NTPCR: variants seen among roughly 807,000 people sequenced by gnomAD.
NTPCR encodes the protein nucleoside-triphosphatase, cancer-related.
Under a neutral mutation model 19.5 loss-of-function variants are expected in NTPCR, and 15 were observed. The observed-to-expected ratio is 0.77, with a 90% CI of 0.51 to 1.18. NTPCR has a LOEUF of 1.18. NTPCR is among the 50% of genes most tolerant of loss of function. The pLI is 0.00. For synonymous variants in NTPCR, 90 were observed against 95.8 expected (o/e 0.94, Z 0.36); for missense variants, 206 against 240.4 (o/e 0.86, Z 0.95).
intron 3 of NTPCR, 36 bp downstream of exon 3, chr1:232,956,479 C>T: frequency 7.2e-7 from 1 of 1,391,820 alleles, no homozygotes; most frequent in Non-Finnish European, 1.0e-6. Context: ...AACCCATCTG[C>T]TCTTAGTGTA....
In NTPCR at chr1:232,979,676, G is replaced by A. The variant is rs1339667487; in HGVS notation, c.*1445G>A. The A allele has an allele frequency of 6.6e-6, 1 of 152,214 alleles. No homozygotes were observed. Among genetic ancestry groups the A allele is most frequent in the Non-Finnish European group, 1.5e-5 (1 of 68,062 alleles). The allele number at this position is 152,214 out of a possible 1,614,324, so 9.4% of individuals were successfully genotyped here. A position where few individuals can be genotyped will look rare whatever the true frequency, so the allele number is the denominator to read the frequency against. On this transcript the variant is annotated 3_prime_UTR_variant, in exon 5 of 5. Coordinates refer to ENST00000366628, the MANE Select transcript of NTPCR (RefSeq NM_032324.3). This position sits in a 1 kb window ranked among gnomAD's most constrained non-coding sequence, Gnocchi z 5.3. The stretch of plus-strand genomic sequence containing the variant: ...GGGCTGTTCAGGGAGACTGAGTTCC[G>A]AGCTCAGGATGTCTGGCAGGCTGGC...
At chr1:232,953,045 A>G (rs1393557348) in intron 1 of NTPCR, among the ~76,000 whole-genome samples, 1 of 152,182 alleles carries the variant, frequency 6.6e-6, no homozygotes. Flanking sequence ...CTCAGACAGG[A>G]TAACTGAGCC....
intron 3 of NTPCR, among the ~76,000 whole-genome samples, chr1:232,958,878 G>A: frequency 6.6e-6 from 1 of 152,240 alleles, no homozygotes; most frequent in East Asian, 1.9e-4. Flanking sequence ...CTCAGACAGA[G>A]TAGACCAAAT....
chr1:232,978,298 C>G lies in NTPCR; in HGVS notation c.*67C>G. The G allele has an allele frequency of 1.5e-6, 2 of 1,342,102 alleles. No individual in the cohort carries two copies. Among genetic ancestry groups the G allele is most frequent in the Non-Finnish European group, 2.1e-6 (2 of 938,966 alleles). The allele number at this position is 1,342,102 out of a possible 1,614,324, so 83.1% of individuals were successfully genotyped here. ...CAAGAGGAGCCTGATGGAGCCCTGC[C>G]TGTCGAGGCTGTATGCCTATGGGGT... is the stretch of plus-strand genomic sequence containing the variant. On this transcript the variant is annotated 3_prime_UTR_variant, in exon 5 of 5. Transcript: ENST00000366628.
intron 4 of NTPCR, among the ~76,000 whole-genome samples, chr1:232,975,471 G>A (rs537615770): frequency 6.6e-6 from 1 of 152,210 alleles, no homozygotes; most frequent in African/African-American, 2.4e-5. Context: ...CATGGATGGA[G>A]CAGGCAGGGG....
intron 3 of NTPCR, 112 bp from the exon 4 acceptor site, chr1:232,969,796 TA>T: frequency 1.2e-6 from 1 of 857,732 alleles, no homozygotes; most frequent in South Asian, 1.5e-5. Flanking sequence ...TGAAATCCAG[TA>T]AAAAGGTTTC....
intron 3 of NTPCR, chr1:232,966,551 TCA>T: frequency 6.6e-6 from 1 of 152,350 alleles, no homozygotes; most frequent in East Asian, 1.9e-4. Context: ...CCCAAAAAAA[TCA>T]CACTATTTTC....
chr1:232,969,633 A>G (rs1255148719), intron 3 of NTPCR: 2 of 330,236 alleles, frequency 6.1e-6, no homozygotes, highest in Admixed American at 4.0e-5. Context: ...CTTTATTCCA[A>G]TTTATGTCCG....
chr1:232,975,864 A>C (rs1669109723), intron 4 of NTPCR, among the ~76,000 whole-genome samples: 2 of 152,172 alleles, frequency 1.3e-5, no homozygotes, highest in South Asian at 4.2e-4. Flanking sequence ...TTAGCTTCTC[A>C]GGAAAGGCTT....
At chr1:232,955,509 G>A in intron 1 of NTPCR, 48 bp from the exon 2 acceptor site, 1 of 1,457,790 alleles carries the variant, frequency 6.9e-7, no homozygotes, top group Non-Finnish European at 9.1e-7. Flanking sequence ...GTAAGGGAAT[G>A]TTTCCTAATG....
chr1:232,953,664 A>G (rs1233798928), intron 1 of NTPCR, among the ~76,000 whole-genome samples: 1 of 152,238 alleles, frequency 6.6e-6, no homozygotes, highest in African/African-American at 2.4e-5. Context: ...GAATTTGAAC[A>G]TCAGAAATCA....
chr1:232,977,290 C>T (rs1351173774), intron 4 of NTPCR: 1 of 152,768 alleles, frequency 6.5e-6, no homozygotes, highest in Non-Finnish European at 1.5e-5. Flanking sequence ...TCATGCCTGT[C>T]CTGTCCTGGT....
chr1:232,972,711 G>A (rs1351186113), intron 4 of NTPCR, among the ~76,000 whole-genome samples: 1 of 152,218 alleles, frequency 6.6e-6, no homozygotes, highest in African/African-American at 2.4e-5. Flanking sequence ...ATAGGCATGA[G>A]CCACTGTGCC....
At position 232,981,398 on chromosome 1, in the gene NTPCR, G is replaced by A. The variant is rs935658638; in HGVS notation, c.*3167G>A. On this transcript the variant is annotated 3_prime_UTR_variant, in exon 5 of 5. Coordinates refer to ENST00000366628, the MANE Select transcript of NTPCR (RefSeq NM_032324.3). The stretch of plus-strand genomic sequence containing the variant: ...CTGCCAATTACCGTATTCATAGAAG[G>A]TTGTGTCTGTGGATCACACCTGTGT... The A allele has an allele frequency of 1.3e-5, 2 of 152,226 alleles. No individual in the cohort carries two copies. The highest frequency in any genetic ancestry group is 2.1e-4 in the South Asian group (1 of 4,832). The allele number at this position is 152,226 out of a possible 1,614,324, so 9.4% of individuals were successfully genotyped here.
chr1:232,975,197 A>T (rs903134575), intron 4 of NTPCR, among the ~76,000 whole-genome samples: 7 of 152,276 alleles, frequency 4.6e-5, no homozygotes, highest in African/African-American at 1.4e-4. Context: ...ATATTATCTG[A>T]TCTTCCAGGC....
chr1:232,973,152 T>C (rs1380894080), intron 4 of NTPCR, among the ~76,000 whole-genome samples: 1 of 152,196 alleles, frequency 6.6e-6, no homozygotes, highest in Non-Finnish European at 1.5e-5. Flanking sequence ...GGGGGAAATG[T>C]ACCACACGAA....
At chr1:232,954,475 TTC>T (rs1404688660) in intron 1 of NTPCR, among the ~76,000 whole-genome samples, 1 of 152,214 alleles carries the variant, frequency 6.6e-6, no homozygotes, top group African/African-American at 2.4e-5. Context: ...TTCTCTCTCT[TTC>T]CATTGTTGGG....
At chr1:232,957,012 T>C (rs561550906) in intron 3 of NTPCR, among the ~76,000 whole-genome samples, 1 of 152,350 alleles carries the variant, frequency 6.6e-6, no homozygotes, top group African/African-American at 2.4e-5. Context: ...GACATCCTTA[T>C]CTTATTCCTA....
chr1:232,971,713 T>A (rs902270668), intron 4 of NTPCR, among the ~76,000 whole-genome samples: 9 of 152,154 alleles, frequency 5.9e-5, no homozygotes, highest in African/African-American at 2.2e-4. Flanking sequence ...CAATTTCAGA[T>A]ACTGATAAAG....
Sources: allele counts gnomAD v4.1 joint callset (sites outside exome capture counted in the v4.1 genomes callset), GRCh38; gene constraint gnomAD v4.1.1; non-coding constraint Gnocchi (gnomAD v3.1); transcripts MANE v1.5; gene names NCBI Gene and HGNC (gene_info 2026-07-23, HGNC 2026-07-21).